ADAMTS17: variants seen among roughly 807,000 people sequenced by gnomAD.
The protein encoded by ADAMTS17 is A disintegrin and metalloproteinase with thrombospondin motifs 17.
Under a neutral mutation model 141.5 loss-of-function variants are expected in ADAMTS17, and 113 were observed. That is an observed-to-expected ratio of 0.80 (90% CI 0.69 to 0.93). ADAMTS17 has a LOEUF of 0.93. Among genes scored for constraint, ADAMTS17 ranks in the 40% least tolerant of loss-of-function variants. The probability of loss-of-function intolerance (pLI) is 0.00; values close to 1 mark genes in which losing one functional copy is unlikely to be tolerated. For synonymous variants in ADAMTS17, 768 were observed against 630.6 expected, an observed-to-expected ratio of 1.22 and a Z score of -3.27; for missense variants, 1,659 against 1,517.9, an observed-to-expected ratio of 1.09 and a Z score of -1.54.
At chr15:100,030,255 G>A (rs925821429) in intron 18 of ADAMTS17, among the ~76,000 whole-genome samples, 6 of 152,160 alleles carry the variant, frequency 3.9e-5, no homozygotes, top group Non-Finnish European at 8.8e-5. Context: ...CCATGTGCAC[G>A]GTGTGGGCCA....
intron 8 of ADAMTS17, among the ~76,000 whole-genome samples, chr15:100,197,857 A>AG (rs1385311966): frequency 2.0e-5 from 3 of 152,244 alleles, no homozygotes; most frequent in African/African-American, 4.8e-5. Flanking sequence ...AAAATGGATG[A>AG]GTTCATGTCC....
At chr15:100,106,281 C>T (rs1047175411) in intron 14 of ADAMTS17, among the ~76,000 whole-genome samples, 8 of 152,266 alleles carry the variant, frequency 5.3e-5, no homozygotes, top group African/African-American at 1.2e-4. Flanking sequence ...GCCTCCAGAA[C>T]GTTGAGAAAT....
intron 15 of ADAMTS17, among the ~76,000 whole-genome samples, chr15:100,082,870 G>A (rs1457250394): frequency 2.6e-5 from 4 of 150,962 alleles, no homozygotes; most frequent in Non-Finnish European, 4.4e-5. Flanking sequence ...GTGGGGATGC[G>A]CAGGGTTTGC....
In ADAMTS17 at chr15:99,974,501, T is replaced by C; in HGVS notation, c.3189A>G (p.Glu1063=). 1 of 1,614,194 alleles carries C rather than the reference T, an allele frequency of 6.2e-7. No homozygotes were observed. Among genetic ancestry groups the C allele is most frequent in the Non-Finnish European group, 8.5e-7 (1 of 1,180,010 alleles). The change falls in exon 22 of 22, where the codon GAA becomes GAG. Residue 1063 remains glutamate, a synonymous_variant. Transcript: ENST00000268070. The stretch of plus-strand genomic sequence containing the variant: ...ACCGCATGTCCTGGCAGAGGTTCTT[T>C]TCTCGGATGACCCGGCAATATACCG... ...QWTVYCRVIR[E]KNLCQDMRWY...
At chr15:100,332,113 T>A (rs1329433792) in intron 2 of ADAMTS17, among the ~76,000 whole-genome samples, 1 of 152,194 alleles carries the variant, frequency 6.6e-6, no homozygotes, top group Non-Finnish European at 1.5e-5. Context: ...CTAAGCATAT[T>A]TCAAGGTTTC....
At chr15:100,334,401 G>A (rs192342399) in intron 2 of ADAMTS17, among the ~76,000 whole-genome samples, 7 of 152,320 alleles carry the variant, frequency 4.6e-5, no homozygotes, top group East Asian at 1.9e-4. Context: ...CAGTTAACAT[G>A]AGTGGGTCTC....
intron 18 of ADAMTS17, among the ~76,000 whole-genome samples, chr15:100,005,481 G>C (rs569328036): frequency 4.0e-4 from 61 of 152,118 alleles, no homozygotes; most frequent in Non-Finnish European, 5.9e-5. Context: ...CCTTGGCTTG[G>C]GGCGTCTTCC....
chr15:100,063,442 C>G (rs1399122774), intron 15 of ADAMTS17, among the ~76,000 whole-genome samples: 1 of 152,178 alleles, frequency 6.6e-6, no homozygotes, highest in Non-Finnish European at 1.5e-5. Context: ...CTTCCTGTCC[C>G]AAGCTTGTCT....
intron 7 of ADAMTS17, among the ~76,000 whole-genome samples, chr15:100,236,298 A>AAAAG: frequency 6.6e-6 from 1 of 151,110 alleles, no homozygotes; most frequent in South Asian, 2.1e-4. Flanking sequence ...AAAAAAAAAA[A>AAAAG]AACCCTAACA....
At chr15:100,189,452 C>T (rs1332406947) in intron 8 of ADAMTS17, among the ~76,000 whole-genome samples, 1 of 152,224 alleles carries the variant, frequency 6.6e-6, no homozygotes, top group Non-Finnish European at 1.5e-5. Flanking sequence ...CATCACAGAG[C>T]ATGTGCCACA....
intron 18 of ADAMTS17, among the ~76,000 whole-genome samples, chr15:100,014,104 T>A (rs2061241414): frequency 6.6e-6 from 1 of 152,194 alleles, no homozygotes; most frequent in Admixed American, 6.5e-5. Context: ...CTTCCTGATT[T>A]AAGCTAGAAG....
rs536885897 is a variant in ADAMTS17 at position 100,047,256 on chromosome 15, G to A, written c.2591+1601C>T. Among the ~76,000 whole-genome samples the A allele has an allele frequency of 1.1e-4, 14 of 132,556 alleles. 2 individuals carry two copies. The highest frequency in any genetic ancestry group is 2.9e-4 in the African/African-American group (9 of 31,270). The allele number at this position is 132,556 out of a possible 152,430, so 87.0% of individuals were successfully genotyped here. ...GACGTTATCAATGACAATGGTGCCC[G>A]AAACTTCATTAGCAATTTTTCGCCC... On this transcript the variant is annotated intron_variant, in intron 18 of 21. Coordinates refer to ENST00000268070, the MANE Select transcript of ADAMTS17 (RefSeq NM_139057.4).
At chr15:100,026,333 C>T (rs1247869631) in intron 18 of ADAMTS17, among the ~76,000 whole-genome samples, 1 of 152,218 alleles carries the variant, frequency 6.6e-6, no homozygotes, top group Non-Finnish European at 1.5e-5. Flanking sequence ...CCTCTTATGA[C>T]TAGCACTGTG....
chr15:100,286,169 T>C (rs1294288323), intron 3 of ADAMTS17, among the ~76,000 whole-genome samples: 1 of 151,936 alleles, frequency 6.6e-6, no homozygotes, highest in Non-Finnish European at 1.5e-5. Context: ...CACAGATCTC[T>C]CCCACTGCTT....
At chr15:100,007,107 CA>C (rs1441932841) in intron 18 of ADAMTS17, among the ~76,000 whole-genome samples, 1 of 152,180 alleles carries the variant, frequency 6.6e-6, no homozygotes, top group Non-Finnish European at 1.5e-5. Flanking sequence ...TAAAAACAGA[CA>C]ATTTCTTTAA....
At chr15:100,191,671 A>G (rs2040921798) in intron 8 of ADAMTS17, among the ~76,000 whole-genome samples, 1 of 152,254 alleles carries the variant, frequency 6.6e-6, no homozygotes, top group Non-Finnish European at 1.5e-5. Flanking sequence ...ATTTAGACAG[A>G]GCCCACAGTC....
intron 18 of ADAMTS17, among the ~76,000 whole-genome samples, chr15:100,019,120 A>G (rs1407653906): frequency 6.6e-6 from 1 of 152,260 alleles, no homozygotes; most frequent in Non-Finnish European, 1.5e-5. Flanking sequence ...TAGAAAACGA[A>G]TGCCAAAGAG....
chr15:100,223,947 GT>G (rs2042221480), intron 7 of ADAMTS17, among the ~76,000 whole-genome samples: 1 of 152,136 alleles, frequency 6.6e-6, no homozygotes, highest in Admixed American at 6.5e-5. Context: ...AGAACTTGGA[GT>G]CCAGTGTTCA....
intron 7 of ADAMTS17, among the ~76,000 whole-genome samples, chr15:100,234,436 A>G (rs544640401): frequency 6.6e-6 from 1 of 152,200 alleles, no homozygotes; most frequent in Non-Finnish European, 1.5e-5. Flanking sequence ...TGTACTGGGA[A>G]GGAGCAGAGC....
Sources: allele counts gnomAD v4.1 joint callset (sites outside exome capture counted in the v4.1 genomes callset), GRCh38; gene constraint gnomAD v4.1.1; transcripts MANE v1.5; gene names NCBI Gene and HGNC (gene_info 2026-07-23, HGNC 2026-07-21).